Variants in HIP1 observed in about 807,000 individuals in gnomAD.
HIP1 encodes huntingtin-interacting protein 1.
Under a neutral mutation model 147.6 loss-of-function variants are expected in HIP1, and 65 were observed. The ratio of observed to expected loss-of-function variants is 0.44; its 90% CI spans 0.36 to 0.54. The LOEUF (loss-of-function observed/expected upper bound fraction) is 0.54. Among genes scored for constraint, HIP1 ranks in the 20% least tolerant of loss-of-function variants. The pLI is 0.00. For synonymous variants in HIP1, 479 were observed against 504.0 expected (o/e 0.95, Z 0.67); for missense variants, 1,061 against 1,299.6 (o/e 0.82, Z 2.82).
intron 1 of HIP1, among the ~76,000 whole-genome samples, chr7:75,663,972 A>ATGTGCATACATGTATG (rs2117220764): frequency 2.7e-4 from 6 of 22,364 alleles, no homozygotes; most frequent in Middle Eastern, 0.029. Context: ...ATATATATAT[A>ATGTGCATACATGTATG]CACATATATG....
chr7:75,590,953 C>T (rs1554500623), intron 4 of HIP1, among the ~76,000 whole-genome samples: 1 of 151,866 alleles, frequency 6.6e-6, no homozygotes. Flanking sequence ...CAGACAGATA[C>T]AGGTAAGACT....
chr7:75,714,740 A>G (rs952246910), intron 1 of HIP1, among the ~76,000 whole-genome samples: 1 of 152,164 alleles, frequency 6.6e-6, no homozygotes, highest in Non-Finnish European at 1.5e-5. Flanking sequence ...GGTGTGAGCC[A>G]CCGTGCCCGA....
intron 1 of HIP1, among the ~76,000 whole-genome samples, chr7:75,636,942 C>G (rs1798446138): frequency 6.6e-6 from 1 of 152,182 alleles, no homozygotes; most frequent in African/African-American, 2.4e-5. Flanking sequence ...ACCCAATGGA[C>G]TCTGCCCATC....
chr7:75,600,989 T>A (rs1796951284), intron 1 of HIP1, among the ~76,000 whole-genome samples: 1 of 151,658 alleles, frequency 6.6e-6, no homozygotes, highest in African/African-American at 2.4e-5. Context: ...AACTCCTGGC[T>A]TCAAGTGATC....
rs558621630 is a variant in HIP1 at position 75,646,716 on chromosome 7, T to G, written c.121-47469A>C. Among the ~76,000 whole-genome samples, 12 of 152,330 alleles carry G rather than the reference T, an allele frequency of 7.9e-5. 1 individual carries two copies. Among genetic ancestry groups the G allele is most frequent in the African/African-American group, 2.9e-4 (12 of 41,578 alleles). Reference sequence around the variant, plus strand: ...TTTTGGTTGACAATTTGGCAGCCTTTTAGGAGCGAGGCCATCTGCTGGGAT... The same window carrying G: ...TTTTGGTTGACAATTTGGCAGCCTTGTAGGAGCGAGGCCATCTGCTGGGAT... On this transcript the variant is annotated intron_variant, in intron 1 of 30. Transcript: ENST00000336926.
intron 17 of HIP1, among the ~76,000 whole-genome samples, chr7:75,556,378 C>A (rs587680117): frequency 4.5e-4 from 69 of 152,210 alleles, no homozygotes; most frequent in African/African-American, 1.7e-3. Flanking sequence ...AACGCCAAAG[C>A]CAGGGGTGGG....
At chr7:75,547,572 TC>T (rs1248392236) in intron 24 of HIP1, among the ~76,000 whole-genome samples, 182 bp downstream of exon 24, 1 of 152,124 alleles carries the variant, frequency 6.6e-6, no homozygotes, top group African/African-American at 2.4e-5. Context: ...GGGTTTCTTT[TC>T]TATAGTGAAA....
intron 1 of HIP1, among the ~76,000 whole-genome samples, chr7:75,623,009 C>A (rs1304706317): frequency 1.6e-4 from 24 of 151,472 alleles, no homozygotes; most frequent in Admixed American, 1.6e-3. Context: ...ACCAGCCTGA[C>A]CAACATGGTG....
At chr7:75,680,465 A>G (rs1456484381) in intron 1 of HIP1, among the ~76,000 whole-genome samples, 1 of 152,100 alleles carries the variant, frequency 6.6e-6, no homozygotes, top group Admixed American at 6.6e-5. Context: ...CCTCTCTTTC[A>G]TCCATCCTCT....
chr7:75,533,619 T>A lies in HIP1; in HGVS notation c.*4553A>T, dbSNP rs1793980807. 1.7e-5 allele frequency: 4 copies of A among 232,614 alleles called. No homozygotes were observed. Among genetic ancestry groups the A allele is most frequent in the Non-Finnish European group, 3.4e-5 (4 of 117,622 alleles). 14.4% of individuals were successfully genotyped at this position (232,614 alleles called of 1,614,324 possible). The stretch of plus-strand genomic sequence containing the variant: ...TAACCGAACCCCCTCGGTTTGTCCC[T>A]ATGAGTGGTAATCAGTTTCATTTAG... On this transcript the variant is annotated 3_prime_UTR_variant, in exon 31 of 31. Coordinates refer to ENST00000336926, the MANE Select transcript of HIP1 (RefSeq NM_005338.7).
rs1300578392 is a variant in HIP1, at chr7:75,737,946, C to T, written c.120+855G>A. Among the ~76,000 whole-genome samples, 11 of 152,156 alleles carry T rather than the reference C, an allele frequency of 7.2e-5. 1 individual carries two copies. Among genetic ancestry groups the T allele is most frequent in the African/African-American group, 2.7e-4 (11 of 41,446 alleles). Reference sequence around the variant, plus strand: ...CAAATGAATTGATGAACACCATCAACATGTCAGCTTAATTCAGCCCAATCA... The same window carrying T: ...CAAATGAATTGATGAACACCATCAATATGTCAGCTTAATTCAGCCCAATCA... On this transcript the variant is annotated intron_variant, in intron 1 of 30. Transcript: ENST00000336926.
chr7:75,726,698 T>C (rs990807408), intron 1 of HIP1, among the ~76,000 whole-genome samples: 2 of 149,260 alleles, frequency 1.3e-5, no homozygotes, highest in African/African-American at 4.9e-5. Flanking sequence ...TCATTAAATG[T>C]TTTTCTTTTT....
rs1434378508 is a variant in HIP1, at chr7:75,664,055, T to C, written c.121-64808A>G. On this transcript the variant is annotated intron_variant, in intron 1 of 30. Transcript: ENST00000336926. ...ATATATATACACATATATGTGTATA[T>C]ACACATATATGTGTATATACACACA... 2.3e-5 allele frequency among the ~76,000 whole-genome samples: 2 copies of C among 86,746 alleles called. 1 individual carries two copies. The highest frequency in any genetic ancestry group is 4.8e-5 in the Non-Finnish European group (2 of 41,480). 56.9% of individuals were successfully genotyped at this position (86,746 alleles called of 152,430 possible).
intron 1 of HIP1, chr7:75,626,261 C>G (rs587737440): frequency 6.6e-6 from 1 of 152,322 alleles, no homozygotes; most frequent in Admixed American, 6.5e-5. Flanking sequence ...GCTTGAAACA[C>G]ATTAGCAAAA....
intron 1 of HIP1, among the ~76,000 whole-genome samples, chr7:75,664,313 T>G (rs62651317): frequency 7.4e-6 from 1 of 135,374 alleles, no homozygotes; most frequent in South Asian, 2.3e-4. Flanking sequence ...TGTATGTATA[T>G]GTATACATAC....
rs146790874 is a variant in HIP1 at position 75,557,659 on chromosome 7, G to A, written c.1576C>T (p.Arg526Trp). The change falls in exon 16 of 31, where the codon CGG becomes TGG. Residue 526 changes from arginine to tryptophan, a missense_variant. Arg to Trp is a moderately radical substitution (Grantham distance 101, BLOSUM62 -3). This residue lies in a region of HIP1 where 810 missense variants were observed against 946.8 expected (regional missense o/e 0.86). Transcript: ENST00000336926. ...GTGCTCCTCGTCCCACTCACCTTCCGCTGGCCCTGGTCACTGATGCGCTCC... is the reference window on the plus strand; with the variant it reads ...GTGCTCCTCGTCCCACTCACCTTCCACTGGCCCTGGTCACTGATGCGCTCC... The part of the protein sequence containing the change: ...SLERISDQGQ[R>W]KTQEQLEVLE... The A allele has an allele frequency of 4.1e-4, 661 of 1,610,542 alleles. 2 individuals carry two copies. In the African/African-American group the frequency reaches 8.1e-3, roughly 20 times the overall value.
chr7:75,632,903 G>A (rs1341954547), intron 1 of HIP1, among the ~76,000 whole-genome samples: 1 of 152,186 alleles, frequency 6.6e-6, no homozygotes, highest in African/African-American at 2.4e-5. Flanking sequence ...AAATGACACA[G>A]GAACAGAAAA....
At chr7:75,717,594 G>A (rs1801358785) in intron 1 of HIP1, among the ~76,000 whole-genome samples, 1 of 150,320 alleles carries the variant, frequency 6.7e-6, no homozygotes, top group Non-Finnish European at 1.5e-5. Context: ...CACTCTAGGA[G>A]GCCAAGGCAG....
chr7:75,549,939 G>A (rs1300511672), intron 22 of HIP1, among the ~76,000 whole-genome samples: 1 of 151,424 alleles, frequency 6.6e-6, no homozygotes, highest in Non-Finnish European at 1.5e-5. Context: ...GCTTCCCAAT[G>A]TGCTGGGATT....
Sources: allele counts gnomAD v4.1 joint callset (sites outside exome capture counted in the v4.1 genomes callset), GRCh38; gene constraint gnomAD v4.1.1; regional missense constraint gnomAD v4.1.1; transcripts MANE v1.5; gene names NCBI Gene and HGNC (gene_info 2026-07-23, HGNC 2026-07-21).